RALYL: variants seen among roughly 807,000 people sequenced by gnomAD.
The protein encoded by RALYL is RALY RNA binding protein like.
RALYL carries 29 observed loss-of-function variants against 35.1 expected under a neutral mutation model. The observed-to-expected ratio is 0.83, with a 90% CI of 0.61 to 1.13. The LOEUF (loss-of-function observed/expected upper bound fraction) is 1.13, where lower values mean the gene tolerates loss of function less well. Among genes scored for constraint, RALYL ranks in the 50% most tolerant of loss-of-function variants. RALYL has a pLI of 0.00. For synonymous variants in RALYL, 120 were observed against 127.6 expected (o/e 0.94, Z 0.40); for missense variants, 359 against 360.4 (o/e 1.00, Z 0.03).
chr8:84,601,071 T>G (rs541540559), intron 2 of RALYL, among the ~76,000 whole-genome samples: 5 of 152,156 alleles, frequency 3.3e-5, no homozygotes, highest in Non-Finnish European at 7.4e-5. Flanking sequence ...AAACAGGGGA[T>G]AGCAGAGCAC....
At chr8:84,220,363 G>A (rs549650838) in intron 1 of RALYL, among the ~76,000 whole-genome samples, 1 of 151,854 alleles carries the variant, frequency 6.6e-6, no homozygotes, top group South Asian at 2.1e-4. Context: ...TGAATTAAAG[G>A]CCAGTCCTTA....
chr8:84,676,206 T>C (rs1468671577), intron 2 of RALYL, among the ~76,000 whole-genome samples: 1 of 152,210 alleles, frequency 6.6e-6, no homozygotes, highest in African/African-American at 2.4e-5. Flanking sequence ...TCCAAGTAAT[T>C]GCAATTGCAA....
chr8:84,456,239 A>G (rs1226576135), intron 1 of RALYL, among the ~76,000 whole-genome samples: 1 of 151,978 alleles, frequency 6.6e-6, no homozygotes, highest in African/African-American at 2.4e-5. Context: ...GTTTTTGAAT[A>G]CATTAAAAAA....
At chr8:84,563,904 A>G (rs529990447) in intron 2 of RALYL, among the ~76,000 whole-genome samples, 2 of 151,872 alleles carry the variant, frequency 1.3e-5, no homozygotes, top group East Asian at 1.9e-4. Flanking sequence ...TTTCAATGTG[A>G]TTTCAGGAGT....
chr8:84,645,040 G>A (rs1001972250), intron 2 of RALYL, among the ~76,000 whole-genome samples: 11 of 152,008 alleles, frequency 7.2e-5, no homozygotes, highest in Non-Finnish European at 1.5e-4. Context: ...ATAAGCCACT[G>A]CACCTGGCCA....
intron 2 of RALYL, among the ~76,000 whole-genome samples, chr8:84,768,865 A>C (rs535149453): frequency 1.3e-5 from 2 of 152,320 alleles, no homozygotes; most frequent in South Asian, 2.1e-4. Context: ...CTTTGAAAGG[A>C]GGTTAATGTG....
At chr8:84,350,647 C>T (rs1850716184) in intron 1 of RALYL, among the ~76,000 whole-genome samples, 1 of 150,160 alleles carries the variant, frequency 6.7e-6, no homozygotes, top group South Asian at 2.1e-4. Context: ...CAGAGTGCTA[C>T]ACCATTTACA....
intron 2 of RALYL, among the ~76,000 whole-genome samples, chr8:84,693,162 A>G (rs1396581215): frequency 6.6e-6 from 1 of 152,012 alleles, no homozygotes; most frequent in East Asian, 1.9e-4. Flanking sequence ...CAACTAATAT[A>G]TCTCGGACAC....
intron 1 of RALYL, among the ~76,000 whole-genome samples, chr8:84,211,527 G>T (rs184713587): frequency 2.4e-4 from 36 of 152,220 alleles, no homozygotes; most frequent in African/African-American, 8.7e-4. Context: ...ATCATTTGGT[G>T]ATTAGATTAC....
chr8:84,334,702 A>C (rs771284118), intron 1 of RALYL, among the ~76,000 whole-genome samples: 5 of 152,106 alleles, frequency 3.3e-5, no homozygotes, highest in Non-Finnish European at 7.4e-5. Flanking sequence ...AATCCAATCC[A>C]GAATCATTTA....
intron 2 of RALYL, among the ~76,000 whole-genome samples, chr8:84,723,052 T>A (rs751531383): frequency 1.6e-4 from 25 of 151,892 alleles, no homozygotes; most frequent in Non-Finnish European, 3.4e-4. Flanking sequence ...CTTGCATGCA[T>A]AAGTAAAATT....
chr8:84,815,544 AT>A (rs1310418483), intron 4 of RALYL, among the ~76,000 whole-genome samples: 3 of 151,174 alleles, frequency 2.0e-5, no homozygotes, highest in East Asian at 3.9e-4. Context: ...ATTTTTTAAG[AT>A]GTTAAGCAAC....
chr8:84,480,075 G>A (rs575632082), intron 1 of RALYL, among the ~76,000 whole-genome samples: 2 of 152,234 alleles, frequency 1.3e-5, no homozygotes, highest in African/African-American at 2.4e-5. Context: ...ACATATGGAC[G>A]AGTAGACCAG....
At chr8:84,917,734 T>C (rs1848709563) in intron 8 of RALYL, among the ~76,000 whole-genome samples, 1 of 151,896 alleles carries the variant, frequency 6.6e-6, no homozygotes, top group Admixed American at 6.6e-5. Flanking sequence ...TTCCAATAAG[T>C]TACTACTCAT....
chr8:84,201,625 T>A (rs1430957180), intron 1 of RALYL, among the ~76,000 whole-genome samples: 1 of 151,966 alleles, frequency 6.6e-6, no homozygotes, highest in Non-Finnish European at 1.5e-5. Context: ...CAGTGTGGCA[T>A]GATCATGGCT....
intron 4 of RALYL, among the ~76,000 whole-genome samples, chr8:84,830,576 C>G (rs79321455): frequency 0.044 from 6,706 of 151,894 alleles, 464 homozygotes; most frequent in African/African-American, 0.15. Flanking sequence ...AATGATTGTA[C>G]AAGAAGGAAA....
chr8:84,825,410 A>T (rs549908960), intron 4 of RALYL, among the ~76,000 whole-genome samples: 18 of 152,230 alleles, frequency 1.2e-4, no homozygotes, highest in Non-Finnish European at 1.9e-4. Flanking sequence ...AATGTAAATT[A>T]GTTCAACCAC....
chr8:84,246,859 A>G (rs1486465540), intron 1 of RALYL, among the ~76,000 whole-genome samples: 2 of 152,156 alleles, frequency 1.3e-5, no homozygotes, highest in African/African-American at 4.8e-5. Context: ...AGCAAAAAAA[A>G]AGTGATCATC....
intron 4 of RALYL, among the ~76,000 whole-genome samples, chr8:84,840,109 C>A (rs1832886929): frequency 6.6e-6 from 1 of 152,148 alleles, no homozygotes; most frequent in Non-Finnish European, 1.5e-5. Context: ...CGGAACAAAG[C>A]TGGACAGGGA....
Sources: gnomAD v4.1 joint callset for allele counts (sites outside exome capture counted in the v4.1 genomes callset) on GRCh38, gnomAD v4.1.1 for gene constraint, MANE v1.5 for transcripts, NCBI Gene and HGNC (gene_info 2026-07-23, HGNC 2026-07-21) for gene names.